The following PUM2 variants were observed in gnomAD, a reference collection of about 807,000 sequenced individuals.
The protein encoded by PUM2 is pumilio homolog 2.
PUM2 carries 57 observed loss-of-function variants against 124.5 expected under a neutral mutation model. The observed-to-expected ratio is 0.46, with a 90% CI of 0.37 to 0.57. The LOEUF is 0.57. Ranked by LOEUF, PUM2 falls within the 20% of genes least tolerant of loss-of-function variation. The probability of loss-of-function intolerance (pLI) is 0.00; values close to 1 mark genes in which losing one functional copy is unlikely to be tolerated. For missense variants in PUM2, 1,065 were observed against 1,290.6 expected (o/e 0.83, Z 2.68); for synonymous variants, 460 against 446.1 (o/e 1.03, Z -0.39).
chr2:20,321,987 A>T (rs10181974), intron 2 of PUM2, among the ~76,000 whole-genome samples: 6,048 of 152,240 alleles, frequency 0.04, 111 homozygotes, highest in Middle Eastern at 0.075. Context: ...CATCAAAAAA[A>T]AAAATAAAAT....
chr2:20,268,495 G>A (rs917601184), intron 13 of PUM2, among the ~76,000 whole-genome samples: 2 of 152,154 alleles, frequency 1.3e-5, no homozygotes, highest in African/African-American at 2.4e-5. Context: ...GCGTACGCCT[G>A]TAGTCCCAGC....
At chr2:20,261,552 A>G (rs1300025603) in intron 14 of PUM2, among the ~76,000 whole-genome samples, 1 of 151,812 alleles carries the variant, frequency 6.6e-6, no homozygotes, top group Non-Finnish European at 1.5e-5. Context: ...AAAAAGTAAA[A>G]CACCCTCAGG....
chr2:20,313,136 T>C (rs1406246308), intron 3 of PUM2, among the ~76,000 whole-genome samples: 4 of 152,176 alleles, frequency 2.6e-5, no homozygotes, highest in Admixed American at 6.5e-5. Flanking sequence ...GGCAATACCA[T>C]TCAGGACATA....
intron 7 of PUM2, 97 bp from the exon 8 acceptor site, chr2:20,297,775 G>C: frequency 7.7e-7 from 1 of 1,303,738 alleles, no homozygotes; most frequent in Non-Finnish European, 1.1e-6. Flanking sequence ...GGGTGGTGTG[G>C]GGGTGGGGAG....
intron 3 of PUM2, among the ~76,000 whole-genome samples, chr2:20,316,070 C>T (rs1680865917): frequency 6.6e-6 from 1 of 151,942 alleles, no homozygotes; most frequent in Admixed American, 6.6e-5. Flanking sequence ...TAGGTTAATT[C>T]TAATTCAGAA....
chr2:20,254,058 TC>T (rs1472430036), intron 19 of PUM2, 44 bp from the exon 20 acceptor site: 1 of 1,534,006 alleles, frequency 6.5e-7, no homozygotes, highest in African/African-American at 1.4e-5. Flanking sequence ...ATTTTTTTCT[TC>T]ACAGCAAAAT....
At chr2:20,273,328 T>A (rs1669472681) in intron 13 of PUM2, among the ~76,000 whole-genome samples, 1 of 152,214 alleles carries the variant, frequency 6.6e-6, no homozygotes, top group South Asian at 2.1e-4. Context: ...CACATCCTTG[T>A]GAAGTCTACT....
chr2:20,312,587 G>C (rs1299264691), intron 3 of PUM2, among the ~76,000 whole-genome samples, 164 bp from the exon 4 acceptor site: 2 of 152,004 alleles, frequency 1.3e-5, no homozygotes, highest in Non-Finnish European at 2.9e-5. Flanking sequence ...ACAAATGGAA[G>C]AACATTCCAT....
intron 13 of PUM2, among the ~76,000 whole-genome samples, chr2:20,270,735 T>C (rs1014212455): frequency 1.3e-5 from 2 of 152,150 alleles, no homozygotes; most frequent in African/African-American, 2.4e-5. Context: ...AAAGGAAGTG[T>C]CCTTACTCAA....
chr2:20,286,759 A>T (rs900511482), intron 10 of PUM2, among the ~76,000 whole-genome samples: 3 of 152,038 alleles, frequency 2.0e-5, no homozygotes, highest in Non-Finnish European at 4.4e-5. Flanking sequence ...TTTCCAGCCT[A>T]ATTTTCTAAT....
chr2:20,275,284 A>G (rs998199639), intron 13 of PUM2, among the ~76,000 whole-genome samples: 6 of 152,112 alleles, frequency 3.9e-5, no homozygotes, highest in African/African-American at 4.8e-5. Context: ...CATATCAATT[A>G]TCCCCAAAAT....
chr2:20,344,768 G>A (rs972203314), intron 1 of PUM2, among the ~76,000 whole-genome samples: 1 of 151,884 alleles, frequency 6.6e-6, no homozygotes, highest in Admixed American at 6.6e-5. Flanking sequence ...GGATCACGAG[G>A]TCAGGAGATG....
chr2:20,344,167 A>G (rs1687766186), intron 1 of PUM2, among the ~76,000 whole-genome samples: 2 of 152,144 alleles, frequency 1.3e-5, no homozygotes, highest in South Asian at 4.1e-4. Context: ...TCTTGGGATC[A>G]AGAGATCCTC....
intron 15 of PUM2, 95 bp from the exon 16 acceptor site, chr2:20,258,466 G>A (rs1425683262): frequency 2.3e-6 from 3 of 1,285,548 alleles, no homozygotes; most frequent in Admixed American, 2.0e-5. Context: ...CATTCTATCA[G>A]TAACTATGTA....
intron 7 of PUM2, among the ~76,000 whole-genome samples, chr2:20,299,776 T>G (rs1291024761): frequency 6.6e-6 from 1 of 152,216 alleles, no homozygotes; most frequent in Non-Finnish European, 1.5e-5. Flanking sequence ...ATTTCTTGTC[T>G]AGGCACAACA....
At chr2:20,285,235 A>G (rs909268780) in intron 10 of PUM2, among the ~76,000 whole-genome samples, 3 of 152,138 alleles carry the variant, frequency 2.0e-5, no homozygotes, top group Non-Finnish European at 4.4e-5. Flanking sequence ...TCTCAAATCC[A>G]TCCATTCTCT....
At chr2:20,264,360 A>T (rs74173285) in intron 13 of PUM2, among the ~76,000 whole-genome samples, 1 of 79,024 alleles carries the variant, frequency 1.3e-5, no homozygotes, top group African/African-American at 5.2e-5. Context: ...AAAAAAAAAA[A>T]AAAAAAAATA....
intron 1 of PUM2, among the ~76,000 whole-genome samples, chr2:20,335,385 T>C (rs1685784221): frequency 6.6e-6 from 1 of 152,232 alleles, no homozygotes; most frequent in Non-Finnish European, 1.5e-5. Context: ...CTTTTTCTCA[T>C]TCACATGACA....
chr2:20,286,299 G>C (rs2148943545), intron 10 of PUM2, among the ~76,000 whole-genome samples: 1 of 152,304 alleles, frequency 6.6e-6, no homozygotes, highest in Non-Finnish European at 1.5e-5. Context: ...ACAGTAGAAA[G>C]GTAGTTGAAT....
Sources: allele counts gnomAD v4.1 joint callset (sites outside exome capture counted in the v4.1 genomes callset), GRCh38; gene constraint gnomAD v4.1.1; transcripts MANE v1.5; gene names NCBI Gene and HGNC (gene_info 2026-07-23, HGNC 2026-07-21).